Variants in CIITA observed in about 807,000 individuals in gnomAD.
CIITA encodes MHC class II transactivator.
In CIITA, 72 loss-of-function variants were observed where a neutral mutation model predicts 115.1. The observed-to-expected ratio is 0.63, with a 90% CI of 0.52 to 0.76. The LOEUF (loss-of-function observed/expected upper bound fraction) is 0.76. CIITA is among the 30% of genes least tolerant of loss of function. The probability of loss-of-function intolerance (pLI) is 0.00; values close to 1 mark genes in which losing one functional copy is unlikely to be tolerated. For missense variants in CIITA, 1,617 were observed against 1,463.8 expected (o/e 1.10, Z -1.71); for synonymous variants, 763 against 635.6 (o/e 1.20, Z -3.02).
Position 10,923,386 on chromosome 16 carries a change from AG to A in CIITA, c.*22+63del. On this transcript the variant is annotated intron_variant, in intron 19 of 19. Coordinates refer to ENST00000324288, the MANE Select transcript of CIITA (RefSeq NM_000246.4). This position sits in a 1 kb window ranked among gnomAD's most constrained non-coding sequence, Gnocchi z 5.2. ...TGGGTTGGGGGCAGTGTCCTTGTGA[AG>A]GTGGCATTCAAAAAATGTGGGCGGG... 1 of 1,357,032 alleles carries A rather than the reference AG, an allele frequency of 7.4e-7. No homozygotes were observed. Among genetic ancestry groups the A allele is most frequent in the Non-Finnish European group, 1.1e-6 (1 of 950,562 alleles). 84.1% of individuals were successfully genotyped at this position (1,357,032 alleles called of 1,614,324 possible).
At chr16:10,887,960 G>T (rs550345331) in intron 1 of CIITA, among the ~76,000 whole-genome samples, 1 of 152,146 alleles carries the variant, frequency 6.6e-6, no homozygotes, top group Admixed American at 6.5e-5. Context: ...CAGCGCCTGC[G>T]TCTGTAAAAT....
chr16:10,902,584 T>C, intron 7 of CIITA, 74 bp from the exon 8 acceptor site: 1 of 1,592,756 alleles, frequency 6.3e-7, no homozygotes. Flanking sequence ...CAGACATTAA[T>C]CAAATAAGCA....
Position 10,895,294 on chromosome 16 carries a change from G to T in CIITA, c.65G>T (p.Cys22Phe), listed in dbSNP as rs1440544706. Reference protein sequence around the residue: ...YLSEPQGSSQCATMELGPLEG... With the variant: ...YLSEPQGSSQFATMELGPLEG... ...TCTTCCCTCCCAGGCAGCTCACAGT[G>T]TGCCACCATGGAGTTGGGGCCCCTA... The change falls in exon 2 of 20, where the codon TGT becomes TTT. Residue 22 changes from cysteine to phenylalanine, a missense_variant. Transcript: ENST00000324288. 1 of 1,613,930 alleles carries T rather than the reference G, an allele frequency of 6.2e-7. No individual in the cohort carries two copies. Among genetic ancestry groups the T allele is most frequent in the South Asian group, 1.1e-5 (1 of 91,082 alleles).
Position 10,935,718 on chromosome 16 carries a change from A to G in CIITA, c.*11863A>G, listed in dbSNP as rs1028226943. On this transcript the variant is annotated 3_prime_UTR_variant, in exon 20 of 20. Transcript: ENST00000324288. Reference sequence around the variant, plus strand: ...TGCCTCTCGATAAGATGCACTGAAGACACACACTCACTTCTGCAATATTCC... The same window carrying G: ...TGCCTCTCGATAAGATGCACTGAAGGCACACACTCACTTCTGCAATATTCC... 1.3e-5 allele frequency: 2 copies of G among 152,236 alleles called. No homozygotes were observed. 9.4% of individuals were successfully genotyped at this position (152,236 alleles called of 1,614,324 possible).
chr16:10,904,933 A>G, intron 10 of CIITA, 121 bp downstream of exon 10: 1 of 977,738 alleles, frequency 1.0e-6, no homozygotes, highest in South Asian at 1.3e-5. Flanking sequence ...ACACTCATTT[A>G]TTTATTCATT....
At chr16:10,922,874 C>T in intron 18 of CIITA, 1 of 496,268 alleles carries the variant, frequency 2.0e-6, no homozygotes, top group Non-Finnish European at 3.7e-6. Context: ...ATGTCCAATA[C>T]TGGTTACTTT....
At position 10,907,458 on chromosome 16, in the gene CIITA, G is replaced by A. The variant is rs867210455; in HGVS notation, c.1966G>A (p.Ala656Thr). 1 of 1,613,434 alleles carries A rather than the reference G, an allele frequency of 6.2e-7. No homozygotes were observed. ...TGCAGCCCTCGACAGCCCCCCCGGG[G>A]CCCTGGCAGAGCTGGCCAAGCTGGC... ...GRAALDSPPG[A>T]LAELAKLAWE... The change falls in exon 11 of 20, where the codon GCC becomes ACC. Residue 656 changes from alanine to threonine, a missense_variant. By Grantham distance (58) the Ala-to-Thr change is moderately conservative. Coordinates refer to ENST00000324288, the MANE Select transcript of CIITA (RefSeq NM_000246.4). The surrounding 1 kb of genome is among the most constrained non-coding windows in gnomAD (Gnocchi z 5.0).
In CIITA at chr16:10,923,435, A is replaced by G; in HGVS notation, c.*22+110A>G. ...GGGACACAGGTGGGGCTAGGCCACC[A>G]CCCTTGGACGCATGCGTCATCAGAG... On this transcript the variant is annotated intron_variant, in intron 19 of 19. Transcript: ENST00000324288. The surrounding 1 kb of genome is among the most constrained non-coding windows in gnomAD (Gnocchi z 5.2). The G allele has an allele frequency of 1.2e-6, 1 of 817,014 alleles. No homozygotes were observed. The highest frequency in any genetic ancestry group is 2.1e-6 in the Non-Finnish European group (1 of 481,462). 50.6% of individuals were successfully genotyped at this position (817,014 alleles called of 1,614,324 possible). A position where few individuals can be genotyped will look rare whatever the true frequency, so the allele number is the denominator to read the frequency against.
intron 1 of CIITA, chr16:10,866,460 C>G (rs755667792): frequency 5.3e-6 from 3 of 565,692 alleles, no homozygotes; most frequent in East Asian, 7.6e-5. Context: ...CCAGGAAGAT[C>G]TCTTTGACCC....
At chr16:10,911,141 C>T (rs1207144691) in intron 13 of CIITA, among the ~76,000 whole-genome samples, 8 of 152,140 alleles carry the variant, frequency 5.3e-5, no homozygotes, top group Non-Finnish European at 8.8e-5. Context: ...CATACATGGG[C>T]CCCAAGAAAG....
At chr16:10,887,683 C>T (rs1272890493) in intron 1 of CIITA, among the ~76,000 whole-genome samples, 4 of 152,014 alleles carry the variant, frequency 2.6e-5, no homozygotes, top group Admixed American at 6.6e-5. Flanking sequence ...TTTGCAGAGA[C>T]GGGGTTTCAC....
intron 5 of CIITA, among the ~76,000 whole-genome samples, chr16:10,900,324 C>T (rs1403998785): frequency 6.6e-6 from 1 of 152,212 alleles, no homozygotes; most frequent in African/African-American, 2.4e-5. Flanking sequence ...TGGGAGGTCA[C>T]GTTCCATATT....
rs1273178498 is a variant in CIITA at position 10,926,963 on chromosome 16, G to C, written c.*3108G>C. ...AAACTCCTACTCAAGAGGGATAAGA[G>C]TCTAGGGGCAAGTGGCAGAGACTCT... On this transcript the variant is annotated 3_prime_UTR_variant, in exon 20 of 20. Transcript: ENST00000324288. 6.6e-6 allele frequency: 1 copy of C among 152,266 alleles called. No homozygotes were observed. Among genetic ancestry groups the C allele is most frequent in the Non-Finnish European group, 1.5e-5 (1 of 68,056 alleles). 9.4% of individuals were successfully genotyped at this position (152,266 alleles called of 1,614,324 possible).
At position 10,924,248 on chromosome 16, in the gene CIITA, T is replaced by C. The variant is rs1596623643; in HGVS notation, c.*393T>C. ...TGGGGAGAAAGTACTTCTTTTTTTT[T>C]ATTTTTAGACAGAGTCTCACTGTTG... On this transcript the variant is annotated 3_prime_UTR_variant, in exon 20 of 20. Transcript: ENST00000324288. 1 of 152,328 alleles carries C rather than the reference T, an allele frequency of 6.6e-6. No individual in the cohort carries two copies. The highest frequency in any genetic ancestry group is 2.1e-4 in the South Asian group (1 of 4,826). The allele number at this position is 152,328 out of a possible 1,614,324, so 9.4% of individuals were successfully genotyped here. A position where few individuals can be genotyped will look rare whatever the true frequency, so the allele number is the denominator to read the frequency against.
intron 1 of CIITA, among the ~76,000 whole-genome samples, chr16:10,891,196 C>G (rs2037535973): frequency 6.6e-6 from 1 of 151,938 alleles, no homozygotes; most frequent in Non-Finnish European, 1.5e-5. Flanking sequence ...ATGCTTGAGC[C>G]CAGACAGGAC....
Position 10,901,431 on chromosome 16 carries a change from C to G in CIITA, c.437-83C>G. On this transcript the variant is annotated intron_variant, in intron 5 of 19. Transcript: ENST00000324288. The surrounding 1 kb of genome is among the most constrained non-coding windows in gnomAD (Gnocchi z 6.8). ...CACTACCCAGCCTTGAAGTTAAGGC[C>G]GTATAGCCTGCTAGAGTCCTGAGCC... 5 of 1,459,354 alleles carry G rather than the reference C, an allele frequency of 3.4e-6. No homozygotes were observed. The South Asian group carries it at 3.5e-5, about 10-fold the overall frequency. The allele number at this position is 1,459,354 out of a possible 1,614,324, so 90.4% of individuals were successfully genotyped here.
upstream of CIITA, chr16:10,877,055 T>G: frequency 1.7e-6 from 1 of 581,760 alleles, no homozygotes; most frequent in Non-Finnish European, 3.1e-6. Flanking sequence ...GGGGAGGGCT[T>G]AAGGGAGTGT....
chr16:10,927,133 C>T lies in CIITA; in HGVS notation c.*3278C>T, dbSNP rs1386709973. Reference sequence around the variant, plus strand: ...TATGTGAAGGTGTGGTGAGCTAATACGTTAAGAATTGGAGCTCAATAACAT... The same window carrying T: ...TATGTGAAGGTGTGGTGAGCTAATATGTTAAGAATTGGAGCTCAATAACAT... On this transcript the variant is annotated 3_prime_UTR_variant, in exon 20 of 20. Transcript: ENST00000324288. 4 of 152,212 alleles carry T rather than the reference C, an allele frequency of 2.6e-5. No homozygotes were observed. Among genetic ancestry groups the T allele is most frequent in the South Asian group, 2.1e-4 (1 of 4,830 alleles). The allele number at this position is 152,212 out of a possible 1,614,324, so 9.4% of individuals were successfully genotyped here.
chr16:10,908,802 A>T (rs1452898372), intron 11 of CIITA: 14 of 638,974 alleles, frequency 2.2e-5, no homozygotes, highest in Non-Finnish European at 3.9e-5. Context: ...TTTAGCAGTG[A>T]GCTTCCTGGT....
Sources: allele counts gnomAD v4.1 joint callset (sites outside exome capture counted in the v4.1 genomes callset), GRCh38; gene constraint gnomAD v4.1.1; non-coding constraint Gnocchi (gnomAD v3.1); transcripts MANE v1.5; gene names NCBI Gene and HGNC (gene_info 2026-07-23, HGNC 2026-07-21).